SIPA1L3: variants seen among roughly 807,000 people sequenced by gnomAD.
SIPA1L3 encodes signal induced proliferation associated 1 like 3.
In SIPA1L3, 59 loss-of-function variants were observed where a neutral mutation model predicts 150.1. That is an observed-to-expected ratio of 0.39 (90% CI 0.32 to 0.49). The LOEUF (loss-of-function observed/expected upper bound fraction) is 0.49, where lower values mean the gene tolerates loss of function less well. Among genes scored for constraint, SIPA1L3 ranks in the 20% least tolerant of loss-of-function variants. The probability of loss-of-function intolerance (pLI) is 0.86; values close to 1 mark genes in which losing one functional copy is unlikely to be tolerated. For synonymous variants in SIPA1L3, 1,070 were observed against 1,077.6 expected, an observed-to-expected ratio of 0.99 and a Z score of 0.14; for missense variants, 2,211 against 2,489.5, an observed-to-expected ratio of 0.89 and a Z score of 2.38.
intron 12 of SIPA1L3, among the ~76,000 whole-genome samples, chr19:38,149,603 C>T (rs1459755063): frequency 1.3e-5 from 2 of 152,196 alleles, no homozygotes; most frequent in Non-Finnish European, 2.9e-5. Context: ...ACCAGGCCCC[C>T]CCTCCTTGAT....
Position 38,119,536 on chromosome 19 carries a change from C to T in SIPA1L3, c.2522C>T (p.Thr841Ile), listed in dbSNP as rs756316766. 8 of 1,614,204 alleles carry T rather than the reference C, an allele frequency of 5.0e-6. No individual in the cohort carries two copies. The South Asian group carries it at 8.8e-5, about 18-fold the overall frequency. ...GTCTCCAACACCCCCATCGACTCCA[C>T]CGGCAAATTCAACCTCATCTCCCTG... ...NCVSNTPIDS[T>I]GKFNLISLTS... The change falls in exon 9 of 22, where the codon ACC becomes ATC. Residue 841 changes from threonine to isoleucine, a missense_variant. Physicochemically the swap from Thr to Ile is moderately conservative, Grantham distance 89. Around this residue, in one of 5 missense-constraint regions of SIPA1L3, gnomAD observed 625 missense variants for 804.2 expected, o/e 0.78. Transcript: ENST00000222345.
intron 1 of SIPA1L3, among the ~76,000 whole-genome samples, chr19:38,017,026 A>G (rs1296029294): frequency 6.7e-6 from 1 of 149,496 alleles, no homozygotes; most frequent in Admixed American, 6.8e-5. Flanking sequence ...CCTCCTGAGT[A>G]GCTGAGATTA....
At chr19:38,167,622 G>A (rs1196116349) in intron 15 of SIPA1L3, among the ~76,000 whole-genome samples, 1 of 152,148 alleles carries the variant, frequency 6.6e-6, no homozygotes, top group Non-Finnish European at 1.5e-5. Flanking sequence ...GGGTGCAGTA[G>A]TACGACCATA....
intron 1 of SIPA1L3, among the ~76,000 whole-genome samples, chr19:37,969,223 A>T (rs1979798902): frequency 6.6e-6 from 1 of 151,626 alleles, no homozygotes; most frequent in Non-Finnish European, 1.5e-5. Context: ...ATAAAGAGAG[A>T]CCCCATCTCT....
chr19:38,001,165 T>TA (rs1221035181), intron 1 of SIPA1L3, among the ~76,000 whole-genome samples: 14 of 151,838 alleles, frequency 9.2e-5, no homozygotes, highest in Middle Eastern at 3.4e-3. Context: ...TGGGTGGAGT[T>TA]ACTTCAGAAT....
intron 1 of SIPA1L3, among the ~76,000 whole-genome samples, chr19:37,995,040 G>T (rs1967601383): frequency 6.6e-6 from 1 of 152,344 alleles, no homozygotes; most frequent in South Asian, 2.1e-4. Context: ...CAGATCCTCA[G>T]ACACGGCATC....
At chr19:37,910,802 G>T (rs1249375338) in intron 1 of SIPA1L3, among the ~76,000 whole-genome samples, 1 of 152,038 alleles carries the variant, frequency 6.6e-6, no homozygotes, top group African/African-American at 2.4e-5. Context: ...ATGGGGTTTC[G>T]CCATGTTGGC....
intron 1 of SIPA1L3, among the ~76,000 whole-genome samples, chr19:37,950,502 T>C (rs943759036): frequency 3.3e-5 from 5 of 152,182 alleles, no homozygotes; most frequent in African/African-American, 4.8e-5. Flanking sequence ...GGCTCGATCA[T>C]TGGATGTACG....
At chr19:38,063,201 AC>A (rs1357928070) in intron 2 of SIPA1L3, among the ~76,000 whole-genome samples, 1 of 149,800 alleles carries the variant, frequency 6.7e-6, no homozygotes, top group Non-Finnish European at 1.5e-5. Flanking sequence ...TTTCCCCTCC[AC>A]CCCCCTCCCC....
In SIPA1L3 at chr19:38,198,383, A is replaced by G. The variant is rs1164093325; in HGVS notation, c.4841-6A>G. On this transcript the variant is annotated splice_polypyrimidine_tract_variant and splice_region_variant and intron_variant, in intron 18 of 21. Coordinates refer to ENST00000222345, the MANE Select transcript of SIPA1L3 (RefSeq NM_015073.3). Reference sequence around the variant, plus strand: ...AACCACTGCCATCTCCACCCTCCCCATCCAGCCACCATCTCAGCCTCGGAG... The same window carrying G: ...AACCACTGCCATCTCCACCCTCCCCGTCCAGCCACCATCTCAGCCTCGGAG... 6.5e-7 allele frequency: 1 copy of G among 1,536,866 alleles called. No individual in the cohort carries two copies. The highest frequency in any genetic ancestry group is 1.2e-5 in the South Asian group (1 of 80,700).
At chr19:37,980,450 G>A (rs1197853360) in intron 1 of SIPA1L3, among the ~76,000 whole-genome samples, 1 of 152,126 alleles carries the variant, frequency 6.6e-6, no homozygotes, top group Admixed American at 6.5e-5. Flanking sequence ...GAAACTGAAG[G>A]GTGGGTAGGA....
intron 10 of SIPA1L3, among the ~76,000 whole-genome samples, chr19:38,136,603 C>A (rs1437694594): frequency 6.6e-6 from 1 of 151,774 alleles, no homozygotes; most frequent in African/African-American, 2.4e-5. Context: ...GACTCCGTCT[C>A]AAAAAAAAAT....
chr19:38,142,461 T>C, intron 11 of SIPA1L3, 112 bp from the exon 12 acceptor site: 1 of 1,242,824 alleles, frequency 8.0e-7, no homozygotes, highest in South Asian at 1.6e-5. Flanking sequence ...AAAGTTCGGT[T>C]GGTCTGTCTG....
intron 2 of SIPA1L3, among the ~76,000 whole-genome samples, chr19:38,030,426 G>C (rs189288384): frequency 6.6e-6 from 1 of 151,960 alleles, no homozygotes; most frequent in Non-Finnish European, 1.5e-5. Flanking sequence ...GCTGGGCGTG[G>C]TGATGCACAC....
At chr19:38,092,185 C>T (rs1052724364) in intron 4 of SIPA1L3, among the ~76,000 whole-genome samples, 2 of 151,818 alleles carry the variant, frequency 1.3e-5, no homozygotes, top group Non-Finnish European at 2.9e-5. Context: ...AGTTCAAGAC[C>T]AGCCTAGGCA....
chr19:38,142,728 CTTTTCAT>C lies in SIPA1L3; in HGVS notation c.3533+19_3533+25del, dbSNP rs1971620897. On this transcript the variant is annotated intron_variant, in intron 12 of 21. Transcript: ENST00000222345. The stretch of plus-strand genomic sequence containing the variant: ...CCAGAAAGGTCAGCCTCCCTCAATT[CTTTTCAT>C]GTTAAGGGATCTGATGAAAGCTGTG... The C allele has an allele frequency of 1.9e-6, 3 of 1,607,228 alleles. No homozygotes were observed. In the South Asian group the frequency reaches 3.3e-5, roughly 18 times the overall value.
At chr19:37,984,877 A>T (rs1027349046) in intron 1 of SIPA1L3, among the ~76,000 whole-genome samples, 1 of 152,240 alleles carries the variant, frequency 6.6e-6, no homozygotes, top group Non-Finnish European at 1.5e-5. Context: ...TAGTCATTTC[A>T]TGAACGTGAC....
intron 1 of SIPA1L3, among the ~76,000 whole-genome samples, chr19:38,014,397 C>T (rs17309382): frequency 0.099 from 15,061 of 152,104 alleles, 870 homozygotes; most frequent in South Asian, 0.21. Context: ...AGAGGAATTA[C>T]AGAAATGTTG....
At chr19:38,202,698 G>A (rs1047111381) in intron 20 of SIPA1L3, among the ~76,000 whole-genome samples, 2 of 152,130 alleles carry the variant, frequency 1.3e-5, no homozygotes, top group Non-Finnish European at 2.9e-5. Context: ...CTGCTCCTTC[G>A]TCTCCTCCTC....
Sources: allele counts gnomAD v4.1 joint callset (sites outside exome capture counted in the v4.1 genomes callset), GRCh38; gene constraint gnomAD v4.1.1; regional missense constraint gnomAD v4.1.1; transcripts MANE v1.5; gene names NCBI Gene and HGNC (gene_info 2026-07-23, HGNC 2026-07-21).